The following CSMD1 variants were observed in gnomAD, a reference collection of about 807,000 sequenced individuals.
The protein encoded by CSMD1 is CUB and Sushi multiple domains 1, also known as CUB and sushi domain-containing protein 1.
In CSMD1, 213 loss-of-function variants were observed where a neutral mutation model predicts 417.5. That is an observed-to-expected ratio of 0.51 (90% CI 0.46 to 0.57). The LOEUF (loss-of-function observed/expected upper bound fraction) is 0.57. CSMD1 is among the 20% of genes least tolerant of loss of function. The pLI, the probability that CSMD1 is intolerant of heterozygous loss-of-function variation, is 0.00. For synonymous variants in CSMD1, 2,862 were observed against 1,736.8 expected, an observed-to-expected ratio of 1.65 and a Z score of -16.11; for missense variants, 6,923 against 4,529.7, an observed-to-expected ratio of 1.53 and a Z score of -15.17.
intron 7 of CSMD1, among the ~76,000 whole-genome samples, chr8:3,678,854 C>G (rs948715318): frequency 2.0e-5 from 3 of 152,166 alleles, no homozygotes; most frequent in East Asian, 1.9e-4. Flanking sequence ...AGAAAGTCTA[C>G]AAGCCAGAAA....
chr8:4,658,320 C>G (rs1025983456), intron 1 of CSMD1, among the ~76,000 whole-genome samples: 2 of 151,830 alleles, frequency 1.3e-5, no homozygotes, highest in Non-Finnish European at 1.5e-5. Context: ...TTTTGAAAGA[C>G]AAAAACAAAG....
At chr8:4,156,028 G>A (rs1261184438) in intron 3 of CSMD1, among the ~76,000 whole-genome samples, 1 of 152,110 alleles carries the variant, frequency 6.6e-6, no homozygotes, top group East Asian at 1.9e-4. Flanking sequence ...CAGTGGCCTG[G>A]TTCCTCAGAT....
chr8:4,757,941 C>G (rs911291136), intron 1 of CSMD1, among the ~76,000 whole-genome samples: 1 of 112,544 alleles, frequency 8.9e-6, no homozygotes, highest in African/African-American at 3.5e-5. Context: ...TCCTGGGCAA[C>G]AGAGAGAGAC....
In CSMD1 at chr8:3,908,675, CATGAAACAACTCTG is replaced by C. The variant is rs561531452; in HGVS notation, c.818+89214_818+89227del. Among the ~76,000 whole-genome samples the C allele has an allele frequency of 6.9e-3, 1,054 of 152,272 alleles. 5 individuals are homozygous for C. Among genetic ancestry groups the C allele is most frequent in the Non-Finnish European group, 8.3e-3 (566 of 68,024 alleles). ...TGCTCTGCAGGGCCTACTCCAATAA[CATGAAACAACTCTG>C]GTGAAGCAATCGCTTAATAGCAGGC... On this transcript the variant is annotated intron_variant, in intron 5 of 69. Transcript: ENST00000635120.
chr8:3,241,720 C>G (rs765903500), intron 26 of CSMD1, among the ~76,000 whole-genome samples: 1 of 152,046 alleles, frequency 6.6e-6, no homozygotes, highest in African/African-American at 2.4e-5. Flanking sequence ...AACGCCTGGC[C>G]GCTGCGGTTC....
At chr8:4,765,999 G>T (rs554897000) in intron 1 of CSMD1, among the ~76,000 whole-genome samples, 1 of 152,154 alleles carries the variant, frequency 6.6e-6, no homozygotes, top group Admixed American at 6.5e-5. Flanking sequence ...ACATAGTTTG[G>T]CATTCATTCA....
chr8:4,596,255 A>G (rs1047794239), intron 2 of CSMD1, among the ~76,000 whole-genome samples: 3 of 152,298 alleles, frequency 2.0e-5, no homozygotes, highest in Non-Finnish European at 2.9e-5. Flanking sequence ...TATATTAACT[A>G]TTGTTAAGTA....
chr8:3,009,023 T>G (rs1407330606), intron 52 of CSMD1, among the ~76,000 whole-genome samples: 3 of 152,254 alleles, frequency 2.0e-5, no homozygotes, highest in South Asian at 2.1e-4. Flanking sequence ...ACTGTTTCAC[T>G]TCTCCCGCAG....
intron 3 of CSMD1, among the ~76,000 whole-genome samples, chr8:4,113,390 C>CTTTT (rs59647790): frequency 4.9e-5 from 4 of 81,202 alleles, no homozygotes; most frequent in African/African-American, 2.1e-4. Flanking sequence ...AATAAAAGGG[C>CTTTT]TTTTTTTTTT....
chr8:4,394,897 A>C (rs1015971786), intron 3 of CSMD1, among the ~76,000 whole-genome samples: 5 of 152,130 alleles, frequency 3.3e-5, no homozygotes, highest in African/African-American at 1.2e-4. Flanking sequence ...TGTTTTCACC[A>C]CAGTGTTCCT....
intron 2 of CSMD1, among the ~76,000 whole-genome samples, chr8:4,424,346 A>G (rs1797422313): frequency 1.3e-5 from 2 of 151,958 alleles, no homozygotes; most frequent in Non-Finnish European, 2.9e-5. Flanking sequence ...CTCAACAACA[A>G]AAGGCAAACA....
Position 3,566,256 on chromosome 8 carries a change from G to A in CSMD1, c.1344+8689C>T, listed in dbSNP as rs147161877. On this transcript the variant is annotated intron_variant, in intron 10 of 69. Coordinates refer to ENST00000635120, the MANE Select transcript of CSMD1 (RefSeq NM_033225.6). ...TGAGAAAAAGGAGGATGAGGAGGAA[G>A]AGTTGAAGAAAAGAATAACAAGAAG... Among the ~76,000 whole-genome samples, 63 of 152,200 alleles carry A rather than the reference G, an allele frequency of 4.1e-4. 1 individual carries two copies. The highest frequency in any genetic ancestry group is 1.5e-3 in the African/African-American group (62 of 41,518).
intron 25 of CSMD1, 141 bp downstream of exon 25, chr8:3,307,554 A>G (rs1804971952): frequency 6.9e-6 from 7 of 1,014,640 alleles, no homozygotes; most frequent in South Asian, 6.8e-5. Flanking sequence ...TGAGCCAACA[A>G]AACTTTTAGC....
chr8:3,992,587 C>G (rs1294459088), intron 5 of CSMD1, among the ~76,000 whole-genome samples: 1 of 152,088 alleles, frequency 6.6e-6, no homozygotes, highest in Non-Finnish European at 1.5e-5. Context: ...ATTTTGAGAC[C>G]AGCTTGGGCA....
intron 2 of CSMD1, among the ~76,000 whole-genome samples, chr8:4,584,611 G>C (rs562340687): frequency 3.3e-5 from 5 of 152,228 alleles, no homozygotes; most frequent in East Asian, 1.9e-4. Flanking sequence ...AGAGAGGAAA[G>C]CCATGCAGCT....
chr8:3,116,380 C>T (rs1489936891), intron 42 of CSMD1, among the ~76,000 whole-genome samples: 2 of 152,120 alleles, frequency 1.3e-5, no homozygotes, highest in East Asian at 3.9e-4. Flanking sequence ...GTGGCATCCT[C>T]CTGGACTCTG....
At chr8:4,979,380 G>A (rs1034263831) in intron 1 of CSMD1, among the ~76,000 whole-genome samples, 26 of 152,164 alleles carry the variant, frequency 1.7e-4, no homozygotes, top group African/African-American at 6.3e-4. Flanking sequence ...GTGTCAAGAA[G>A]TTTAACATTT....
chr8:3,646,027 T>C (rs1018128504), intron 7 of CSMD1, among the ~76,000 whole-genome samples: 14 of 150,624 alleles, frequency 9.3e-5, no homozygotes, highest in Non-Finnish European at 2.1e-4. Context: ...TAACAAAAAC[T>C]AGAAATATTC....
At chr8:4,097,753 G>C (rs1485850084) in intron 3 of CSMD1, among the ~76,000 whole-genome samples, 2 of 152,190 alleles carry the variant, frequency 1.3e-5, no homozygotes, top group African/African-American at 4.8e-5. Context: ...CAGTGTAGTT[G>C]TCAAATTCTG....
Sources: gnomAD v4.1 joint callset for allele counts (sites outside exome capture counted in the v4.1 genomes callset) on GRCh38, gnomAD v4.1.1 for gene constraint, MANE v1.5 for transcripts, NCBI Gene and HGNC (gene_info 2026-07-23, HGNC 2026-07-21) for gene names.